Variants in CUX1 observed in about 807,000 individuals in gnomAD.
CUX1 encodes the protein cut like homeobox 1.
CUX1 carries 31 observed loss-of-function variants against 158.8 expected under a neutral mutation model. The observed-to-expected ratio is 0.20, with a 90% CI of 0.15 to 0.26. CUX1 has a LOEUF of 0.26. Among genes scored for constraint, CUX1 ranks in the 10% least tolerant of loss-of-function variants. The pLI is 1.00. For synonymous variants in CUX1, 879 were observed against 862.1 expected, an observed-to-expected ratio of 1.02 and a Z score of -0.34; for missense variants, 1,589 against 2,014.6, an observed-to-expected ratio of 0.79 and a Z score of 4.04.
At chr7:101,845,246 A>G (rs2131201277) in intron 1 of CUX1, among the ~76,000 whole-genome samples, 1 of 151,866 alleles carries the variant, frequency 6.6e-6, no homozygotes, top group East Asian at 2.0e-4. Flanking sequence ...TCAGCCTTCC[A>G]TAATGCTGGA....
chr7:102,208,672 C>T (rs1554522342), intron 20 of CUX1, among the ~76,000 whole-genome samples: 1 of 152,120 alleles, frequency 6.6e-6, no homozygotes, highest in African/African-American at 2.4e-5. Flanking sequence ...CAGTGCTGCC[C>T]CTGAAGCAGG....
Position 101,905,126 on chromosome 7 carries a change from C to A in CUX1, c.31-10989C>A, listed in dbSNP as rs556628366. Among the ~76,000 whole-genome samples the A allele has an allele frequency of 4.6e-5, 7 of 152,232 alleles. 1 individual carries two copies. In the South Asian group the frequency reaches 1.5e-3, roughly 32 times the overall value. Reference sequence around the variant, plus strand: ...AGGCTGTGTCTCTGGGTGGGGGGCTCAGAACCTCTCTCCCTCGTTTTGTAG... The same window carrying A: ...AGGCTGTGTCTCTGGGTGGGGGGCTAAGAACCTCTCTCCCTCGTTTTGTAG... On this transcript the variant is annotated intron_variant, in intron 1 of 23. Transcript: ENST00000292535.
chr7:101,997,874 C>A (rs1816165390), intron 2 of CUX1, among the ~76,000 whole-genome samples: 1 of 152,076 alleles, frequency 6.6e-6, no homozygotes, highest in Non-Finnish European at 1.5e-5. Context: ...AGAGGTTGAC[C>A]CTGGACCCCA....
chr7:102,082,660 G>A (rs1349431489), intron 4 of CUX1, among the ~76,000 whole-genome samples: 1 of 147,436 alleles, frequency 6.8e-6, no homozygotes, highest in African/African-American at 2.4e-5. Flanking sequence ...CCCAGCAACT[G>A]CTGTTCTGCT....
chr7:102,166,981 A>C (rs1160592566), intron 9 of CUX1, among the ~76,000 whole-genome samples: 1 of 152,136 alleles, frequency 6.6e-6, no homozygotes, highest in Non-Finnish European at 1.5e-5. Context: ...GAAATTATGC[A>C]ATCAGGCCGG....
chr7:102,222,811 CTTTTTTTTTTTTTTT>C (rs71123016), intron 20 of CUX1, among the ~76,000 whole-genome samples: 1 of 25,510 alleles, frequency 3.9e-5, no homozygotes, highest in Non-Finnish European at 6.3e-5. Flanking sequence ...GGCACCGTAT[CTTTTTTTTTTTTTTT>C]TTTTTTTTTT....
chr7:102,223,337 G>A (rs1343515188), intron 20 of CUX1, among the ~76,000 whole-genome samples: 1 of 152,070 alleles, frequency 6.6e-6, no homozygotes, highest in Non-Finnish European at 1.5e-5. Context: ...TGAGTCTGTC[G>A]CCAGCGTCCC....
intron 2 of CUX1, among the ~76,000 whole-genome samples, chr7:101,933,758 T>C (rs2906649): frequency 0.57 from 87,178 of 152,064 alleles, 27,106 homozygotes; most frequent in Middle Eastern, 0.74. Flanking sequence ...GAAATAGCAG[T>C]GTTCTTGGTT....
chr7:101,822,938 G>GT (rs1170564430), intron 1 of CUX1, among the ~76,000 whole-genome samples: 8 of 150,814 alleles, frequency 5.3e-5, no homozygotes, highest in African/African-American at 1.9e-4. Context: ...CTAATTTGTT[G>GT]TAAAACCTGT....
At chr7:101,842,257 T>C (rs1795253147) in intron 1 of CUX1, among the ~76,000 whole-genome samples, 1 of 152,212 alleles carries the variant, frequency 6.6e-6, no homozygotes, top group South Asian at 2.1e-4. Flanking sequence ...AAAGAATGTG[T>C]TTTTTGAGTA....
chr7:102,052,880 T>A (rs112998651), intron 3 of CUX1, among the ~76,000 whole-genome samples: 3 of 151,920 alleles, frequency 2.0e-5, no homozygotes, highest in African/African-American at 7.3e-5. Context: ...TGATCTCGGC[T>A]CAGTGCAACC....
chr7:101,861,309 G>A (rs531094680), intron 1 of CUX1, among the ~76,000 whole-genome samples: 8 of 152,158 alleles, frequency 5.3e-5, no homozygotes, highest in East Asian at 3.9e-4. Context: ...GTGCAATGGC[G>A]TCTCTGCGTA....
At chr7:102,147,770 G>A (rs1835178863) in intron 8 of CUX1, among the ~76,000 whole-genome samples, 1 of 152,126 alleles carries the variant, frequency 6.6e-6, no homozygotes, top group South Asian at 2.1e-4. Flanking sequence ...GCCAAGGCAG[G>A]TGGATCACTG....
At chr7:101,834,054 A>G (rs1333795909) in intron 1 of CUX1, among the ~76,000 whole-genome samples, 1 of 151,702 alleles carries the variant, frequency 6.6e-6, no homozygotes, top group Admixed American at 6.6e-5. Context: ...CGATTCTTCC[A>G]GGGAAGAATC....
intron 15 of CUX1, among the ~76,000 whole-genome samples, chr7:102,273,662 C>T (rs1256162254): frequency 6.6e-6 from 1 of 152,244 alleles, no homozygotes; most frequent in African/African-American, 2.4e-5. Context: ...TGAATACCAC[C>T]CTGCCTCCGA....
At chr7:101,998,392 A>G (rs1378757235) in intron 2 of CUX1, among the ~76,000 whole-genome samples, 2 of 152,218 alleles carry the variant, frequency 1.3e-5, no homozygotes, top group African/African-American at 4.8e-5. Context: ...TTCAAGACTT[A>G]GAGATGAGAC....
At chr7:102,123,246 AGAG>A (rs1832248696) in intron 8 of CUX1, among the ~76,000 whole-genome samples, 2 of 151,374 alleles carry the variant, frequency 1.3e-5, no homozygotes, top group African/African-American at 4.9e-5. Flanking sequence ...TAAAAAAAAA[AGAG>A]AGGCACTGTG....
At chr7:102,231,839 G>C (rs1021385813) in intron 21 of CUX1, among the ~76,000 whole-genome samples, 2 of 151,008 alleles carry the variant, frequency 1.3e-5, no homozygotes, top group Non-Finnish European at 2.9e-5. Flanking sequence ...TCAGCCTCCT[G>C]AGTAGCTGGG....
intron 2 of CUX1, among the ~76,000 whole-genome samples, chr7:101,924,102 A>C (rs946025389): frequency 3.9e-5 from 6 of 152,066 alleles, no homozygotes; most frequent in Non-Finnish European, 8.8e-5. Flanking sequence ...ATTGATCAGG[A>C]TGCACTGTGT....
Sources: gnomAD v4.1 joint callset for allele counts (sites outside exome capture counted in the v4.1 genomes callset) on GRCh38, gnomAD v4.1.1 for gene constraint, MANE v1.5 for transcripts, NCBI Gene and HGNC (gene_info 2026-07-23, HGNC 2026-07-21) for gene names.